The following FRMD4A variants were observed in gnomAD, a reference collection of about 807,000 sequenced individuals.
FRMD4A encodes FERM domain containing 4A, also known as FERM domain-containing protein 4A.
FRMD4A carries 29 observed loss-of-function variants against 129.1 expected under a neutral mutation model. The ratio of observed to expected loss-of-function variants is 0.22; its 90% confidence interval spans 0.17 to 0.31. The LOEUF is 0.31. Among genes scored for constraint, FRMD4A ranks in the 10% least tolerant of loss-of-function variants. The pLI, the probability that FRMD4A is intolerant of heterozygous loss-of-function variation, is 1.00. For missense variants in FRMD4A, 1,272 were observed against 1,375.8 expected (o/e 0.92, Z 1.19); for synonymous variants, 634 against 571.6 (o/e 1.11, Z -1.56).
At chr10:14,170,013 C>A (rs1841392473) in intron 2 of FRMD4A, among the ~76,000 whole-genome samples, 1 of 152,104 alleles carries the variant, frequency 6.6e-6, no homozygotes, top group Admixed American at 6.6e-5. Flanking sequence ...GTGGATCATT[C>A]CAGGCACTAT....
intron 2 of FRMD4A, among the ~76,000 whole-genome samples, chr10:14,117,536 G>A (rs1838260750): frequency 6.6e-6 from 1 of 152,162 alleles, no homozygotes; most frequent in Non-Finnish European, 1.5e-5. Flanking sequence ...CTGCTTCATT[G>A]AGCTCAGGGT....
chr10:13,803,225 A>C (rs1055041159), intron 4 of FRMD4A, among the ~76,000 whole-genome samples: 1 of 151,928 alleles, frequency 6.6e-6, no homozygotes, highest in Non-Finnish European at 1.5e-5. Flanking sequence ...AGGTTAAAGT[A>C]GGGTATATAC....
intron 2 of FRMD4A, chr10:13,891,791 C>T (rs2094700664): frequency 2.1e-6 from 2 of 968,154 alleles, no homozygotes; most frequent in Non-Finnish European, 2.4e-6. Context: ...GCCCCCGCCG[C>T]GGGCCCTCGG....
At chr10:14,105,797 C>T (rs1346461859) in intron 2 of FRMD4A, among the ~76,000 whole-genome samples, 1 of 152,090 alleles carries the variant, frequency 6.6e-6, no homozygotes, top group African/African-American at 2.4e-5. Flanking sequence ...CACACTGGGT[C>T]ATTTGCTTTT....
At chr10:14,186,869 C>G (rs1158055493) in intron 2 of FRMD4A, among the ~76,000 whole-genome samples, 1 of 151,634 alleles carries the variant, frequency 6.6e-6, no homozygotes, top group Non-Finnish European at 1.5e-5. Context: ...CCTATAATCA[C>G]AGCACTTTGG....
intron 2 of FRMD4A, among the ~76,000 whole-genome samples, chr10:14,047,839 G>A (rs1261517936): frequency 1.3e-5 from 2 of 152,196 alleles, no homozygotes; most frequent in African/African-American, 4.8e-5. Flanking sequence ...TATTCAGAGT[G>A]GAGTCAGAAT....
chr10:14,198,843 T>C (rs999742261), intron 2 of FRMD4A, among the ~76,000 whole-genome samples: 4 of 152,226 alleles, frequency 2.6e-5, no homozygotes, highest in African/African-American at 4.8e-5. Flanking sequence ...CCGCTCTAAG[T>C]CTCAGTTTTC....
chr10:13,859,309 A>G lies in FRMD4A; in HGVS notation c.46-397T>C, dbSNP rs77598841. On this transcript the variant is annotated intron_variant, in intron 2 of 24. Coordinates refer to ENST00000357447, the MANE Select transcript of FRMD4A (RefSeq NM_018027.5). ...TGAGGCAGGAGAATCGCTTGAACCC[A>G]GGAGGTGGAGGTTGCAGTGAGCCGA... 9.3e-3 allele frequency among the ~76,000 whole-genome samples: 1,421 copies of G among 152,090 alleles called. 54 individuals are homozygous for G. Among genetic ancestry groups the G allele is most frequent in the East Asian group, 0.06 (312 of 5,164 alleles).
At chr10:13,714,348 C>T (rs1397614966) in intron 12 of FRMD4A, among the ~76,000 whole-genome samples, 1 of 151,432 alleles carries the variant, frequency 6.6e-6, no homozygotes, top group East Asian at 1.9e-4. Flanking sequence ...TAGGTGTGAG[C>T]CAACATCCTG....
At chr10:13,969,012 G>A (rs999368910) in intron 2 of FRMD4A, among the ~76,000 whole-genome samples, 3 of 152,256 alleles carry the variant, frequency 2.0e-5, no homozygotes, top group South Asian at 2.1e-4. Flanking sequence ...TCTTTAAAAC[G>A]GCCCTGGTTG....
At chr10:13,721,409 G>A (rs2089394158) in intron 12 of FRMD4A, among the ~76,000 whole-genome samples, 1 of 152,118 alleles carries the variant, frequency 6.6e-6, no homozygotes, top group Non-Finnish European at 1.5e-5. Flanking sequence ...TGGAATCCAG[G>A]AGGCAGAGGT....
At chr10:13,686,801 T>C (rs1485057756) in intron 15 of FRMD4A, among the ~76,000 whole-genome samples, 2 of 152,224 alleles carry the variant, frequency 1.3e-5, no homozygotes, top group Non-Finnish European at 2.9e-5. Flanking sequence ...AGACTTCTAG[T>C]CGAGAAGCCA....
chr10:13,733,509 G>A (rs1185184420), intron 12 of FRMD4A, among the ~76,000 whole-genome samples: 1 of 152,030 alleles, frequency 6.6e-6, no homozygotes, highest in African/African-American at 2.4e-5. Context: ...TGCAACCTCC[G>A]CCTCCCGGGT....
At chr10:13,669,578 CT>C (rs1453518649) in intron 17 of FRMD4A, among the ~76,000 whole-genome samples, 1 of 152,208 alleles carries the variant, frequency 6.6e-6, no homozygotes, top group African/African-American at 2.4e-5. Context: ...TACAGCATTC[CT>C]TTTTCCCCTG....
intron 2 of FRMD4A, among the ~76,000 whole-genome samples, chr10:14,280,982 A>ATTTTTTTT (rs772555677): frequency 1.3e-5 from 1 of 76,524 alleles, no homozygotes; most frequent in Non-Finnish European, 2.4e-5. Context: ...ACTGGTTTCA[A>ATTTTTTTT]TTTTTTTTTT....
intron 3 of FRMD4A, among the ~76,000 whole-genome samples, chr10:13,813,190 AT>A (rs2093478890): frequency 6.6e-6 from 1 of 152,244 alleles, no homozygotes; most frequent in African/African-American, 2.4e-5. Context: ...CACGCCTGTA[AT>A]CCCAACACTT....
chr10:13,815,644 C>T (rs570319036), intron 3 of FRMD4A, among the ~76,000 whole-genome samples: 16 of 152,302 alleles, frequency 1.1e-4, no homozygotes, highest in Non-Finnish European at 5.9e-5. Context: ...CCCTCTGCCA[C>T]TCTACCTCTG....
At chr10:13,812,178 C>T (rs1031788577) in intron 3 of FRMD4A, among the ~76,000 whole-genome samples, 12 of 152,190 alleles carry the variant, frequency 7.9e-5, no homozygotes, top group African/African-American at 2.2e-4. Flanking sequence ...TGCACCTGGC[C>T]GACAGTTGGT....
chr10:13,701,607 A>T, intron 13 of FRMD4A, 129 bp from the exon 14 acceptor site: 2 of 757,312 alleles, frequency 2.6e-6, no homozygotes, highest in Non-Finnish European at 4.4e-6. Flanking sequence ...ATGAGCTCTC[A>T]CATACACCTA....
Sources: allele counts gnomAD v4.1 joint callset (sites outside exome capture counted in the v4.1 genomes callset), GRCh38; gene constraint gnomAD v4.1.1; transcripts MANE v1.5; gene names NCBI Gene and HGNC (gene_info 2026-07-23, HGNC 2026-07-21).